Variants in SCYL2 observed in about 807,000 individuals in gnomAD.
SCYL2 encodes the protein SCY1 like pseudokinase 2, also known as SCY1-like protein 2.
Under a neutral mutation model 100.4 loss-of-function variants are expected in SCYL2, and 36 were observed. The observed-to-expected ratio is 0.36, with a 90% CI of 0.27 to 0.47. SCYL2 has a LOEUF of 0.47. Ranked by LOEUF, SCYL2 falls within the 20% of genes least tolerant of loss-of-function variation. SCYL2 has a pLI of 1.00. For missense variants in SCYL2, 902 were observed against 1,083.9 expected (o/e 0.83, Z 2.36); for synonymous variants, 330 against 359.2 (o/e 0.92, Z 0.92).
At chr12:100,269,602 A>G (rs376061161) in intron 1 of SCYL2, among the ~76,000 whole-genome samples, 1 of 152,170 alleles carries the variant, frequency 6.6e-6, no homozygotes, top group Non-Finnish European at 1.5e-5. Flanking sequence ...TATAACAATC[A>G]CTTGAGGTAT....
intron 17 of SCYL2, among the ~76,000 whole-genome samples, chr12:100,337,970 T>A (rs1952300903): frequency 6.6e-6 from 1 of 152,234 alleles, no homozygotes; most frequent in African/African-American, 2.4e-5. Context: ...ATTGGTGCTA[T>A]GGCAGTGAAT....
At position 100,323,140 on chromosome 12, in the gene SCYL2, G is replaced by A. The variant is rs555775513; in HGVS notation, c.1396-385G>A. Among the ~76,000 whole-genome samples, 75 of 152,204 alleles carry A rather than the reference G, an allele frequency of 4.9e-4. No homozygotes were observed. The South Asian group carries it at 0.015, about 31-fold the overall frequency. On this transcript the variant is annotated intron_variant, in intron 10 of 17. Coordinates refer to ENST00000360820, the MANE Select transcript of SCYL2 (RefSeq NM_017988.6). ...CAGCTAAGAGAATTACTTGAGAGGA[G>A]TATTTTTACATGATTTCATACTTGA...
At chr12:100,320,240 C>A (rs2135915292) in intron 10 of SCYL2, among the ~76,000 whole-genome samples, 1 of 152,142 alleles carries the variant, frequency 6.6e-6, no homozygotes, top group Middle Eastern at 3.4e-3. Flanking sequence ...CTCATCCCGG[C>A]TGTTATTAAG....
At chr12:100,302,872 T>C (rs919556900) in intron 4 of SCYL2, among the ~76,000 whole-genome samples, 4 of 152,172 alleles carry the variant, frequency 2.6e-5, no homozygotes, top group African/African-American at 4.8e-5. Context: ...ATTCTCCTTA[T>C]CACCTTCAGG....
At chr12:100,320,081 T>C (rs1268031405) in intron 10 of SCYL2, among the ~76,000 whole-genome samples, 1 of 152,216 alleles carries the variant, frequency 6.6e-6, no homozygotes, top group Non-Finnish European at 1.5e-5. Context: ...TTAATTTACC[T>C]TTTAAATGGA....
chr12:100,320,644 C>G (rs930447890), intron 10 of SCYL2, among the ~76,000 whole-genome samples: 2 of 152,058 alleles, frequency 1.3e-5, no homozygotes, highest in Non-Finnish European at 2.9e-5. Context: ...CCTATGTTAG[C>G]TAAGTGATTT....
Position 100,323,539 on chromosome 12 carries a change from C to T in SCYL2, c.1410C>T (p.Asn470=), listed in dbSNP as rs1461688029. The T allele has an allele frequency of 1.3e-6, 2 of 1,583,320 alleles. No homozygotes were observed. Among genetic ancestry groups the T allele is most frequent in the Admixed American group, 1.7e-5 (1 of 58,230 alleles). The change falls in exon 11 of 18, where the codon AAC becomes AAT. Residue 470 remains asparagine (N), a synonymous_variant. Coordinates refer to ENST00000360820, the MANE Select transcript of SCYL2 (RefSeq NM_017988.6). ...PSIQIQELCL[N]IIPTFANLID... Reference sequence around the variant, plus strand: ...TTTCTTTATAGGAGCTCTGTCTAAACATCATTCCAACCTTTGCAAATCTTA... The same window carrying T: ...TTTCTTTATAGGAGCTCTGTCTAAATATCATTCCAACCTTTGCAAATCTTA...
At chr12:100,294,732 TG>T (rs1184583930) in intron 3 of SCYL2, among the ~76,000 whole-genome samples, 38 of 117,586 alleles carry the variant, frequency 3.2e-4, no homozygotes, top group African/African-American at 1.2e-3. Context: ...ACGGGGTGGC[TG>T]GCCGGGTGGG....
chr12:100,282,289 C>T (rs1344803845), intron 1 of SCYL2, among the ~76,000 whole-genome samples: 1 of 141,032 alleles, frequency 7.1e-6, no homozygotes, highest in East Asian at 1.9e-4. Flanking sequence ...CCTCCCAAAC[C>T]CCACAAACCC....
At chr12:100,268,029 C>G (rs1408833824) in intron 1 of SCYL2, among the ~76,000 whole-genome samples, 1 of 152,148 alleles carries the variant, frequency 6.6e-6, no homozygotes, top group East Asian at 1.9e-4. Context: ...ACCGATAAAG[C>G]TTGCAAAAAC....
intron 1 of SCYL2, among the ~76,000 whole-genome samples, chr12:100,281,833 CAAAAAAAAAA>C (rs550669839): frequency 1.7e-5 from 1 of 59,366 alleles, no homozygotes; most frequent in Non-Finnish European, 3.5e-5. Flanking sequence ...GACTCCGTCT[CAAAAAAAAAA>C]AAAAAAAGAA....
chr12:100,323,521 A>T lies in SCYL2; in HGVS notation c.1396-4A>T. ...AATATTGATTCAGTTTATTTTCTTT[A>T]TAGGAGCTCTGTCTAAACATCATTC... On this transcript the variant is annotated splice_region_variant and splice_polypyrimidine_tract_variant and intron_variant, in intron 10 of 17. Coordinates refer to ENST00000360820, the MANE Select transcript of SCYL2 (RefSeq NM_017988.6). 1 of 1,505,564 alleles carries T rather than the reference A, an allele frequency of 6.6e-7. No homozygotes were observed. The highest frequency in any genetic ancestry group is 9.2e-7 in the Non-Finnish European group (1 of 1,090,106). The allele number at this position is 1,505,564 out of a possible 1,614,324, so 93.3% of individuals were successfully genotyped here. A position where few individuals can be genotyped will look rare whatever the true frequency, so the allele number is the denominator to read the frequency against.
intron 13 of SCYL2, 86 bp downstream of exon 13, chr12:100,329,405 TAAAA>T: frequency 1.7e-6 from 1 of 576,056 alleles, no homozygotes. Context: ...AAAGATTGGT[TAAAA>T]AAAAAAGGGT....
intron 14 of SCYL2, 162 bp from the exon 15 acceptor site, chr12:100,335,463 G>A: frequency 1.8e-6 from 1 of 546,570 alleles, no homozygotes; most frequent in African/African-American, 1.9e-5. Context: ...TTATTTTTGG[G>A]GCAAGCAGAC....
rs772244096 is a variant in SCYL2, at chr12:100,311,134, G to T, written c.571G>T (p.Ala191Ser). The change falls in exon 5 of 18, where the codon GCC becomes TCC. Residue 191 changes from alanine to serine, a missense_variant. By Grantham distance (99) the Ala-to-Ser change is moderately conservative. Transcript: ENST00000360820. ...PENIILNKSG[A>S]WKIMGFDFCV... ...AAATATAATTTTGAATAAAAGTGGA[G>T]CCTGGAAAATAATGGGTTTTGATTT... 5 of 1,610,216 alleles carry T rather than the reference G, an allele frequency of 3.1e-6. No individual in the cohort carries two copies. Among genetic ancestry groups the T allele is most frequent in the Middle Eastern group, 1.7e-4 (1 of 6,038 alleles).
intron 1 of SCYL2, among the ~76,000 whole-genome samples, chr12:100,276,117 A>G (rs1229859865): frequency 6.6e-6 from 1 of 152,154 alleles, no homozygotes; most frequent in Non-Finnish European, 1.5e-5. Flanking sequence ...CCATTGCATT[A>G]TTTGGTTTGA....
intron 10 of SCYL2, among the ~76,000 whole-genome samples, chr12:100,321,253 A>G (rs1428230605): frequency 1.3e-5 from 2 of 152,220 alleles, no homozygotes; most frequent in East Asian, 3.8e-4. Flanking sequence ...TTAGTAGTTA[A>G]TTTATTTCTG....
intron 4 of SCYL2, among the ~76,000 whole-genome samples, chr12:100,310,658 T>C (rs1282865731): frequency 1.3e-5 from 2 of 152,224 alleles, no homozygotes; most frequent in Admixed American, 1.3e-4. Context: ...TGAATTTCAA[T>C]CTGAAGTGTA....
Position 100,337,372 on chromosome 12 carries a change from T to C in SCYL2, c.2026-15T>C, listed in dbSNP as rs1164044631. 1 of 1,598,234 alleles carries C rather than the reference T, an allele frequency of 6.3e-7. No homozygotes were observed. The highest frequency in any genetic ancestry group is 1.8e-5 in the Admixed American group (1 of 54,534). ...ATAAATTGCCGGTTGATTTTTTGCTTTATTTTGTTTTAAGGCATCACTTAC... is the reference window on the plus strand; with the variant it reads ...ATAAATTGCCGGTTGATTTTTTGCTCTATTTTGTTTTAAGGCATCACTTAC... On this transcript the variant is annotated splice_polypyrimidine_tract_variant and intron_variant, in intron 16 of 17. Transcript: ENST00000360820.
Sources: allele counts gnomAD v4.1 joint callset (sites outside exome capture counted in the v4.1 genomes callset), GRCh38; gene constraint gnomAD v4.1.1; transcripts MANE v1.5; gene names NCBI Gene and HGNC (gene_info 2026-07-23, HGNC 2026-07-21).